RBFOX1: variants seen among roughly 807,000 people sequenced by gnomAD.
RBFOX1 encodes the protein RNA binding protein fox-1 homolog 1.
Under a neutral mutation model 57.7 loss-of-function variants are expected in RBFOX1, and 8 were observed. The ratio of observed to expected loss-of-function variants is 0.14; its 90% CI spans 0.08 to 0.25. RBFOX1 has a LOEUF of 0.25. Among genes scored for constraint, RBFOX1 ranks in the 10% least tolerant of loss-of-function variants. The pLI is 1.00. For synonymous variants in RBFOX1, 326 were observed against 222.4 expected (o/e 1.47, Z -4.15); for missense variants, 611 against 548.5 (o/e 1.11, Z -1.14).
intron 3 of RBFOX1, among the ~76,000 whole-genome samples, chr16:5,859,549 G>T (rs765666438): frequency 1.6e-4 from 25 of 152,162 alleles, no homozygotes; most frequent in Middle Eastern, 3.2e-3. Flanking sequence ...CAAGTTGAAG[G>T]TTCTGAAAAT....
intron 4 of RBFOX1, among the ~76,000 whole-genome samples, chr16:7,379,705 A>G (rs2097754150): frequency 6.6e-6 from 1 of 151,996 alleles, no homozygotes; most frequent in South Asian, 2.1e-4. Flanking sequence ...CTGGGTAGTA[A>G]CTACAGGAAT....
At chr16:5,348,240 G>C (rs2065188244) in intron 1 of RBFOX1, among the ~76,000 whole-genome samples, 1 of 151,554 alleles carries the variant, frequency 6.6e-6, no homozygotes, top group African/African-American at 2.4e-5. Flanking sequence ...CCACCCATCT[G>C]TTGAATCCCA....
intron 1 of RBFOX1, among the ~76,000 whole-genome samples, chr16:5,426,949 T>C (rs1315090864): frequency 6.6e-6 from 1 of 152,166 alleles, no homozygotes; most frequent in East Asian, 1.9e-4. Context: ...AACTCCCTTG[T>C]AAGTGGTAAA....
At chr16:6,910,430 T>G (rs540098435) in intron 3 of RBFOX1, among the ~76,000 whole-genome samples, 1 of 152,300 alleles carries the variant, frequency 6.6e-6, no homozygotes, top group Non-Finnish European at 1.5e-5. Flanking sequence ...GTCCCCAGGT[T>G]CAATGCTGGA....
intron 2 of RBFOX1, among the ~76,000 whole-genome samples, chr16:6,384,614 C>T (rs1011443245): frequency 2.0e-5 from 3 of 152,172 alleles, no homozygotes; most frequent in Non-Finnish European, 4.4e-5. Context: ...TCATCTAATT[C>T]GTCTCCTTTT....
intron 2 of RBFOX1, among the ~76,000 whole-genome samples, chr16:6,404,523 G>A (rs186814877): frequency 1.6e-3 from 248 of 152,274 alleles, no homozygotes; most frequent in African/African-American, 5.6e-3. Flanking sequence ...AATGGAGTGC[G>A]TGTGTGTTCT....
intron 2 of RBFOX1, among the ~76,000 whole-genome samples, chr16:6,407,897 C>T (rs1436156134): frequency 6.6e-6 from 1 of 152,116 alleles, no homozygotes; most frequent in East Asian, 1.9e-4. Context: ...TCGCTTTTCC[C>T]CAGAATTCAT....
intron 3 of RBFOX1, among the ~76,000 whole-genome samples, chr16:6,731,085 T>G (rs1406072407): frequency 1.3e-5 from 2 of 152,138 alleles, no homozygotes; most frequent in Admixed American, 6.5e-5. Flanking sequence ...ATCCTTTACC[T>G]TTGGAAAACT....
At chr16:7,190,402 C>G (rs984517932) in intron 4 of RBFOX1, among the ~76,000 whole-genome samples, 5 of 152,072 alleles carry the variant, frequency 3.3e-5, no homozygotes, top group African/African-American at 1.2e-4. Context: ...TAAAACTTCC[C>G]TCATTGTTTT....
intron 3 of RBFOX1, among the ~76,000 whole-genome samples, chr16:6,886,207 G>A (rs938834554): frequency 1.8e-4 from 28 of 151,940 alleles, no homozygotes; most frequent in African/African-American, 6.0e-4. Flanking sequence ...GATTACAGGC[G>A]TGTGCTACCA....
chr16:6,919,318 T>G (rs1451678852), intron 3 of RBFOX1, among the ~76,000 whole-genome samples: 1 of 152,138 alleles, frequency 6.6e-6, no homozygotes, highest in Non-Finnish European at 1.5e-5. Context: ...CCAATTCCTA[T>G]TTATCCTGTT....
chr16:6,331,205 C>G (rs1475660428), intron 2 of RBFOX1, among the ~76,000 whole-genome samples: 1 of 152,138 alleles, frequency 6.6e-6, no homozygotes, highest in Non-Finnish European at 1.5e-5. Flanking sequence ...AATCCCAGCA[C>G]TTCGGGAGGC....
At chr16:6,882,227 C>G (rs1297032865) in intron 3 of RBFOX1, among the ~76,000 whole-genome samples, 1 of 152,096 alleles carries the variant, frequency 6.6e-6, no homozygotes, top group East Asian at 1.9e-4. Flanking sequence ...TATTTGCAGT[C>G]TCCACCTTAG....
chr16:7,028,900 T>C (rs1395818007), intron 3 of RBFOX1, among the ~76,000 whole-genome samples: 2 of 151,138 alleles, frequency 1.3e-5, no homozygotes, highest in Admixed American at 1.3e-4. Flanking sequence ...CTCAGCTATG[T>C]GTTGCTAGGA....
chr16:5,512,759 C>T (rs986170373), intron 2 of RBFOX1, among the ~76,000 whole-genome samples: 3 of 152,136 alleles, frequency 2.0e-5, no homozygotes, highest in Non-Finnish European at 2.9e-5. Context: ...CTAACAGACC[C>T]GTATTGATGC....
At chr16:6,660,097 C>G (rs912779676) in intron 3 of RBFOX1, among the ~76,000 whole-genome samples, 1 of 151,770 alleles carries the variant, frequency 6.6e-6, no homozygotes, top group Non-Finnish European at 1.5e-5. Context: ...TGGTGGCACA[C>G]GCCTGTAGTC....
At chr16:6,516,904 C>T (rs1356781343) in intron 2 of RBFOX1, among the ~76,000 whole-genome samples, 1 of 152,184 alleles carries the variant, frequency 6.6e-6, no homozygotes, top group Non-Finnish European at 1.5e-5. Flanking sequence ...CCAGTCTTGG[C>T]ACCTTGACAT....
chr16:7,524,251 C>G (rs2078171871), intron 5 of RBFOX1, among the ~76,000 whole-genome samples: 1 of 152,154 alleles, frequency 6.6e-6, no homozygotes, highest in African/African-American at 2.4e-5. Flanking sequence ...AGTGCAGAAT[C>G]TGTAAAAGGG....
intron 1 of RBFOX1, among the ~76,000 whole-genome samples, chr16:5,448,562 G>T (rs900487721): frequency 3.3e-5 from 5 of 152,188 alleles, no homozygotes; most frequent in Non-Finnish European, 5.9e-5. Context: ...GCAGGCAGGA[G>T]ACTGGGGTGA....
Sources: allele counts gnomAD v4.1 joint callset (sites outside exome capture counted in the v4.1 genomes callset), GRCh38; gene constraint gnomAD v4.1.1; transcripts MANE v1.5; gene names NCBI Gene and HGNC (gene_info 2026-07-23, HGNC 2026-07-21).